Variants in MEI4 observed in about 807,000 individuals in gnomAD.
MEI4 encodes the protein meiosis-specific protein MEI4.
MEI4 carries 27 observed loss-of-function variants against 31.4 expected under a neutral mutation model. The ratio of observed to expected loss-of-function variants is 0.86; its 90% CI spans 0.63 to 1.19. MEI4 has a LOEUF of 1.19. Ranked by LOEUF, MEI4 falls within the 50% of genes most tolerant of loss-of-function variation. The pLI is 0.00. For synonymous variants in MEI4, 122 were observed against 145.4 expected (o/e 0.84, Z 1.16); for missense variants, 329 against 398.9 (o/e 0.82, Z 1.49).
intron 1 of MEI4, among the ~76,000 whole-genome samples, chr6:77,677,330 C>A (rs1407492437): frequency 6.6e-6 from 1 of 152,150 alleles, no homozygotes; most frequent in Non-Finnish European, 1.5e-5. Context: ...ACAGCTCTAC[C>A]TTGCAGTTAG....
At chr6:77,797,969 C>T (rs1049582453) in intron 3 of MEI4, among the ~76,000 whole-genome samples, 11 of 152,096 alleles carry the variant, frequency 7.2e-5, no homozygotes, top group African/African-American at 2.7e-4. Flanking sequence ...GAGTCTCACA[C>T]ACACAAGCCT....
intron 4 of MEI4, among the ~76,000 whole-genome samples, chr6:77,836,789 A>G (rs963018279): frequency 2.6e-5 from 4 of 152,106 alleles, no homozygotes; most frequent in Non-Finnish European, 5.9e-5. Context: ...AGATCTACGA[A>G]GCCTGGCTCA....
chr6:77,740,143 A>C (rs1210883896), intron 2 of MEI4, among the ~76,000 whole-genome samples: 8 of 152,088 alleles, frequency 5.3e-5, no homozygotes, highest in Admixed American at 5.2e-4. Flanking sequence ...ATTCTATTTT[A>C]ATTACACTGT....
intron 1 of MEI4, among the ~76,000 whole-genome samples, chr6:77,661,080 G>T (rs1293667821): frequency 6.6e-6 from 1 of 152,150 alleles, no homozygotes; most frequent in Non-Finnish European, 1.5e-5. Flanking sequence ...CCATATAAAA[G>T]TTCAAAAGGA....
At chr6:77,715,773 ATAGT>A (rs149049182) in intron 2 of MEI4, among the ~76,000 whole-genome samples, 1,750 of 152,320 alleles carry the variant, frequency 0.011, 10 homozygotes, top group Middle Eastern at 0.024. Context: ...TAACAAGCCT[ATAGT>A]TAGTTCATAT....
At chr6:77,914,407 T>C (rs1428360042) in intron 4 of MEI4, among the ~76,000 whole-genome samples, 3 of 152,118 alleles carry the variant, frequency 2.0e-5, no homozygotes, top group Non-Finnish European at 4.4e-5. Context: ...GTTTCTAAAG[T>C]TCTTCTTTTT....
intron 2 of MEI4, among the ~76,000 whole-genome samples, chr6:77,733,235 T>C (rs565932255): frequency 1.3e-3 from 198 of 152,130 alleles, no homozygotes; most frequent in Admixed American, 3.4e-3. Context: ...TGGTAGAATT[T>C]GGCTGTGAAT....
chr6:77,709,113 T>A (rs1000523871), intron 2 of MEI4, among the ~76,000 whole-genome samples: 8 of 152,222 alleles, frequency 5.3e-5, no homozygotes, highest in Non-Finnish European at 8.8e-5. Flanking sequence ...TTTTGGTTTT[T>A]CTCAATTTTC....
intron 3 of MEI4, among the ~76,000 whole-genome samples, chr6:77,823,395 C>T (rs1454682350): frequency 6.6e-6 from 1 of 152,148 alleles, no homozygotes; most frequent in Admixed American, 6.5e-5. Context: ...CTTAGAGGGA[C>T]AGTGGGATAG....
chr6:77,734,967 C>G (rs1024246155), intron 2 of MEI4, among the ~76,000 whole-genome samples: 3 of 152,004 alleles, frequency 2.0e-5, no homozygotes, highest in Admixed American at 2.0e-4. Context: ...TTGGCCCCCA[C>G]TCTCTTCTGG....
At chr6:77,769,549 C>G (rs1308092992) in intron 3 of MEI4, among the ~76,000 whole-genome samples, 1 of 152,120 alleles carries the variant, frequency 6.6e-6, no homozygotes, top group Non-Finnish European at 1.5e-5. Flanking sequence ...GCTTGTGTCA[C>G]CCCTCCACCA....
chr6:77,654,250 A>G (rs1284655259), intron 1 of MEI4, among the ~76,000 whole-genome samples: 4 of 152,220 alleles, frequency 2.6e-5, no homozygotes, highest in African/African-American at 4.8e-5. Context: ...TAAAAGCTCC[A>G]TAAAGGCAGA....
chr6:77,659,852 C>T (rs1262893610), intron 1 of MEI4, among the ~76,000 whole-genome samples: 1 of 152,092 alleles, frequency 6.6e-6, no homozygotes, highest in Non-Finnish European at 1.5e-5. Context: ...AGGGGAATTC[C>T]AGTGGGTCTC....
intron 4 of MEI4, among the ~76,000 whole-genome samples, chr6:77,837,563 A>C (rs1168602499): frequency 6.6e-6 from 1 of 152,190 alleles, no homozygotes. Flanking sequence ...CTATGAGCCA[A>C]ATCTGGCTTG....
At chr6:77,912,752 G>T (rs1185547504) in intron 4 of MEI4, among the ~76,000 whole-genome samples, 1 of 152,038 alleles carries the variant, frequency 6.6e-6, no homozygotes, top group East Asian at 1.9e-4. Context: ...TTGCCTAAAG[G>T]AACAGTTTGA....
chr6:77,650,295 G>C (rs1321078917), upstream of MEI4, among the ~76,000 whole-genome samples: 8 of 152,226 alleles, frequency 5.3e-5, no homozygotes, highest in Admixed American at 5.2e-4. Context: ...CTCTGGACTG[G>C]TTGTGGAGCA....
At position 77,820,355 on chromosome 6, in the gene MEI4, G is replaced by A. The variant is rs189645236; in HGVS notation, c.769-8576G>A. Among the ~76,000 whole-genome samples, 35 of 152,040 alleles carry A rather than the reference G, an allele frequency of 2.3e-4. No homozygotes were observed. The East Asian group carries it at 6.8e-3, about 30-fold the overall frequency. ...CTCACTGCTGCAGCTTCCACCGCTCGGGTTCAAGCAGTTCTCCTGCCTCAG... is the reference window on the plus strand; with the variant it reads ...CTCACTGCTGCAGCTTCCACCGCTCAGGTTCAAGCAGTTCTCCTGCCTCAG... On this transcript the variant is annotated intron_variant, in intron 3 of 4. Coordinates refer to ENST00000684080, the MANE Select transcript of MEI4 (RefSeq NM_001322247.2). This position sits in a 1 kb window ranked among gnomAD's most constrained non-coding sequence, Gnocchi z 4.5.
chr6:77,694,501 G>A (rs532792290), intron 2 of MEI4, among the ~76,000 whole-genome samples: 2 of 151,250 alleles, frequency 1.3e-5, no homozygotes, highest in South Asian at 4.2e-4. Flanking sequence ...CTATGAGTGA[G>A]AACATAAGGT....
At chr6:77,866,465 T>G (rs1472577190) in intron 4 of MEI4, among the ~76,000 whole-genome samples, 1 of 152,080 alleles carries the variant, frequency 6.6e-6, no homozygotes, top group Non-Finnish European at 1.5e-5. Context: ...ATGAGTGAAC[T>G]CCCATTCACA....
Sources: allele counts gnomAD v4.1 joint callset (sites outside exome capture counted in the v4.1 genomes callset), GRCh38; gene constraint gnomAD v4.1.1; non-coding constraint Gnocchi (gnomAD v3.1); transcripts MANE v1.5; gene names NCBI Gene and HGNC (gene_info 2026-07-23, HGNC 2026-07-21).